KTN1: variants seen among roughly 807,000 people sequenced by gnomAD.
KTN1 encodes the protein kinectin.
In KTN1, 130 loss-of-function variants were observed where a neutral mutation model predicts 222.5. That is an observed-to-expected ratio of 0.58 (90% CI 0.51 to 0.68). KTN1 has a LOEUF of 0.68. Among genes scored for constraint, KTN1 ranks in the 30% least tolerant of loss-of-function variants. The pLI, the probability that KTN1 is intolerant of heterozygous loss-of-function variation, is 0.00. For missense variants in KTN1, 1,508 were observed against 1,500.4 expected (o/e 1.01, Z -0.08); for synonymous variants, 512 against 496.3 (o/e 1.03, Z -0.42).
intron 1 of KTN1, among the ~76,000 whole-genome samples, chr14:55,587,748 C>G (rs758596027): frequency 6.6e-6 from 1 of 152,114 alleles, no homozygotes; most frequent in Non-Finnish European, 1.5e-5. Context: ...ATTTAGTGCT[C>G]TTATTTCTGG....
intron 1 of KTN1, among the ~76,000 whole-genome samples, chr14:55,608,901 A>G (rs1037858933): frequency 5.3e-5 from 8 of 152,098 alleles, no homozygotes; most frequent in African/African-American, 1.9e-4. Flanking sequence ...AAGTGCTGGG[A>G]TTACAGGCAT....
At chr14:55,598,064 A>C (rs980907550) in intron 1 of KTN1, among the ~76,000 whole-genome samples, 1 of 151,956 alleles carries the variant, frequency 6.6e-6, no homozygotes, top group African/African-American at 2.4e-5. Flanking sequence ...CTTTGCTAGC[A>C]CTCTTCTTTG....
chr14:55,616,454 T>G, intron 2 of KTN1, 63 bp from the exon 3 acceptor site: 3 of 1,403,374 alleles, frequency 2.1e-6, no homozygotes, highest in South Asian at 2.8e-5. Flanking sequence ...ACTCAGTGAT[T>G]GCATCTTTTC....
intron 43 of KTN1, 102 bp from the exon 44 acceptor site, chr14:55,683,997 A>G: frequency 2.2e-6 from 2 of 923,146 alleles, no homozygotes; most frequent in South Asian, 1.7e-5. Flanking sequence ...GGGCCATGCT[A>G]GATCAAATGG....
intron 5 of KTN1, among the ~76,000 whole-genome samples, chr14:55,619,649 C>T (rs2038865456): frequency 6.6e-6 from 1 of 152,104 alleles, no homozygotes; most frequent in Non-Finnish European, 1.5e-5. Flanking sequence ...AAGGGGTTTC[C>T]TCTTATAAAA....
At chr14:55,580,523 C>T (rs1794152624) in intron 1 of KTN1, among the ~76,000 whole-genome samples, 169 bp downstream of exon 1, 1 of 149,514 alleles carries the variant, frequency 6.7e-6, no homozygotes, top group African/African-American at 2.4e-5. Context: ...ATCCGGTTGC[C>T]GCCGCGGGGC....
intron 1 of KTN1, among the ~76,000 whole-genome samples, chr14:55,605,432 T>C (rs1368876495): frequency 6.6e-6 from 1 of 152,168 alleles, no homozygotes; most frequent in Non-Finnish European, 1.5e-5. Context: ...ATCTGGATAA[T>C]AATTTTTAAA....
At chr14:55,646,404 TCTTC>T (rs1259959830) in intron 18 of KTN1, among the ~76,000 whole-genome samples, 1 of 149,170 alleles carries the variant, frequency 6.7e-6, no homozygotes, top group Admixed American at 6.8e-5. Flanking sequence ...TTTCTTTCTT[TCTTC>T]CTTTTTTTCC....
intron 43 of KTN1, chr14:55,680,698 C>G (rs750126735): frequency 2.9e-6 from 4 of 1,366,750 alleles, no homozygotes; most frequent in Non-Finnish European, 3.9e-6. Flanking sequence ...TGATCATCCT[C>G]TGGCCTACCT....
chr14:55,599,564 C>T (rs968582946), intron 1 of KTN1, among the ~76,000 whole-genome samples: 2 of 150,462 alleles, frequency 1.3e-5, no homozygotes, highest in African/African-American at 4.9e-5. Context: ...CGCACAGAAG[C>T]ACAGATTCAA....
intron 8 of KTN1, among the ~76,000 whole-genome samples, chr14:55,634,251 AT>A: frequency 6.6e-6 from 1 of 152,188 alleles, no homozygotes; most frequent in Non-Finnish European, 1.5e-5. Flanking sequence ...CTGATTTTTA[AT>A]ACGTTTTCAG....
chr14:55,626,866 C>CT (rs35566825), intron 5 of KTN1, among the ~76,000 whole-genome samples: 32,671 of 149,492 alleles, frequency 0.22, 3,748 homozygotes, highest in East Asian at 0.35. Context: ...TTATCTGCAA[C>CT]TTTTTTTTTC....
intron 43 of KTN1, chr14:55,683,312 A>G (rs1356142285): frequency 2.6e-5 from 4 of 152,190 alleles, no homozygotes; most frequent in African/African-American, 7.2e-5. Flanking sequence ...AAAGAATAGT[A>G]CAACACCCGT....
chr14:55,656,863 A>G (rs1044220403), intron 29 of KTN1, among the ~76,000 whole-genome samples: 2 of 152,264 alleles, frequency 1.3e-5, no homozygotes, highest in Admixed American at 6.5e-5. Context: ...ATCCTTGCAC[A>G]TGTTTTGAAT....
At chr14:55,667,459 G>A in intron 34 of KTN1, 129 bp downstream of exon 34, 2 of 483,676 alleles carry the variant, frequency 4.1e-6, no homozygotes, top group Non-Finnish European at 3.6e-6. Context: ...TTGTTAAGCT[G>A]GTGCTTTTCA....
chr14:55,679,560 T>C lies in KTN1; in HGVS notation c.3949-5T>C. 1.2e-6 allele frequency: 2 copies of C among 1,603,452 alleles called. No homozygotes were observed. Among genetic ancestry groups the C allele is most frequent in the South Asian group, 2.2e-5 (2 of 89,678 alleles). ...AGTTTATCATCACTTCCATCTTCTTTTTAGGAGTCTTCTGAGAAGGAGACA... is the reference window on the plus strand; with the variant it reads ...AGTTTATCATCACTTCCATCTTCTTCTTAGGAGTCTTCTGAGAAGGAGACA... On this transcript the variant is annotated splice_region_variant and splice_polypyrimidine_tract_variant and intron_variant, in intron 42 of 43. Coordinates refer to ENST00000395314, the MANE Select transcript of KTN1 (RefSeq NM_001079521.2).
Position 55,671,859 on chromosome 14 carries a change from A to G in KTN1, c.3513A>G (p.Ser1171=), listed in dbSNP as rs1236802123. Residue 1171 remains serine (S), a synonymous_variant, in exon 37 of 44, where the codon TCA becomes TCG. Coordinates refer to ENST00000395314, the MANE Select transcript of KTN1 (RefSeq NM_001079521.2). ...ENKWKVKVDE[S]HKTIKQMQSS... is the part of the protein sequence containing the mutation. ...AATGGAAAGTTAAGGTCGATGAATC[A>G]CACAAGACTATTAAACAGGTATTTA... 1.9e-6 allele frequency: 3 copies of G among 1,587,760 alleles called. No homozygotes were observed. The East Asian group carries it at 6.7e-5, about 35-fold the overall frequency.
intron 7 of KTN1, among the ~76,000 whole-genome samples, chr14:55,632,187 T>G (rs534376797): frequency 1.3e-5 from 2 of 152,222 alleles, no homozygotes; most frequent in East Asian, 3.9e-4. Flanking sequence ...TCTTTTCTTC[T>G]TAATTCCTAA....
intron 2 of KTN1, among the ~76,000 whole-genome samples, chr14:55,615,446 T>C (rs2038211255): frequency 6.6e-6 from 1 of 150,904 alleles, no homozygotes; most frequent in South Asian, 2.1e-4. Flanking sequence ...TTGACTACTC[T>C]GGGAATGTCA....
Sources: allele counts gnomAD v4.1 joint callset (sites outside exome capture counted in the v4.1 genomes callset), GRCh38; gene constraint gnomAD v4.1.1; transcripts MANE v1.5; gene names NCBI Gene and HGNC (gene_info 2026-07-23, HGNC 2026-07-21).